Variants in LYRM7 observed in about 807,000 individuals in gnomAD.
LYRM7 encodes the protein complex III assembly factor LYRM7.
A neutral mutation model predicts 15.8 loss-of-function variants in LYRM7; 9 were observed. That is an observed-to-expected ratio of 0.57 (90% CI 0.34 to 0.99). The LOEUF (loss-of-function observed/expected upper bound fraction) is 0.99. Ranked by LOEUF, LYRM7 falls within the 50% of genes least tolerant of loss-of-function variation. The pLI, the probability that LYRM7 is intolerant of heterozygous loss-of-function variation, is 0.02. For synonymous variants in LYRM7, 39 were observed against 39.4 expected, an observed-to-expected ratio of 0.99 and a Z score of 0.04; for missense variants, 115 against 119.1, an observed-to-expected ratio of 0.97 and a Z score of 0.16.
At chr5:131,176,300 A>G (rs1373844821) in intron 1 of LYRM7, among the ~76,000 whole-genome samples, 1 of 152,188 alleles carries the variant, frequency 6.6e-6, no homozygotes, top group Non-Finnish European at 1.5e-5. Context: ...TTTTTTAGCA[A>G]CTGCCAAACT....
chr5:131,199,895 G>C lies in LYRM7; in HGVS notation c.*294G>C, dbSNP rs1756031294. 1 of 190,538 alleles carries C rather than the reference G, an allele frequency of 5.2e-6. No homozygotes were observed. The highest frequency in any genetic ancestry group is 2.3e-5 in the African/African-American group (1 of 42,852). The allele number at this position is 190,538 out of a possible 1,614,324, so 11.8% of individuals were successfully genotyped here. A position where few individuals can be genotyped will look rare whatever the true frequency, so the allele number is the denominator to read the frequency against. On this transcript the variant is annotated 3_prime_UTR_variant, in exon 5 of 5. Coordinates refer to ENST00000379380, the MANE Select transcript of LYRM7 (RefSeq NM_181705.4). Reference sequence around the variant, plus strand: ...TATATTCAATCTTTGACCTTGATGAGTATTTGATCTTACCATAGCTATTTG... The same window carrying C: ...TATATTCAATCTTTGACCTTGATGACTATTTGATCTTACCATAGCTATTTG...
chr5:131,194,262 G>A (rs1375206567), intron 4 of LYRM7, among the ~76,000 whole-genome samples: 1 of 152,174 alleles, frequency 6.6e-6, no homozygotes, highest in East Asian at 1.9e-4. Flanking sequence ...TAGTTGGAGT[G>A]CATTTGACCT....
intron 1 of LYRM7, among the ~76,000 whole-genome samples, chr5:131,172,831 C>T (rs1441617367): frequency 6.6e-6 from 1 of 152,186 alleles, no homozygotes; most frequent in Non-Finnish European, 1.5e-5. Context: ...CAGATTCAAA[C>T]TCATCTGACT....
chr5:131,173,525 C>A (rs1209221265), intron 1 of LYRM7, among the ~76,000 whole-genome samples: 1 of 152,204 alleles, frequency 6.6e-6, no homozygotes, highest in East Asian at 1.9e-4. Flanking sequence ...GTGGGCGGAT[C>A]ACAAGGTCAA....
At chr5:131,192,032 TACACACACACACACACACACAC>T (rs60867142) in intron 4 of LYRM7, among the ~76,000 whole-genome samples, 118 of 127,764 alleles carry the variant, frequency 9.2e-4, no homozygotes, top group African/African-American at 2.1e-3. Context: ...ATGTGGTGCA[TACACACACACACACACACACAC>T]ACACACACAC....
At position 131,201,332 on chromosome 5, in the gene LYRM7, AAAAG is replaced by A. The variant is rs1423698922; in HGVS notation, c.*1732_*1735del. ...CTGTCTCAAAAAAAAAAAAGAAAAA[AAAAG>A]GAAAAAGGAAAAAAAAAAGATATAT... is the stretch of plus-strand genomic sequence containing the variant. On this transcript the variant is annotated 3_prime_UTR_variant, in exon 5 of 5. Transcript: ENST00000379380. 1.3e-5 allele frequency: 2 copies of A among 151,758 alleles called. No individual in the cohort carries two copies. The highest frequency in any genetic ancestry group is 4.8e-5 in the African/African-American group (2 of 41,300). 9.4% of individuals were successfully genotyped at this position (151,758 alleles called of 1,614,324 possible).
At chr5:131,192,847 C>A (rs934780590) in intron 4 of LYRM7, among the ~76,000 whole-genome samples, 5 of 152,052 alleles carry the variant, frequency 3.3e-5, no homozygotes, top group Non-Finnish European at 7.4e-5. Flanking sequence ...TTATTCTATA[C>A]TTGCTGTTTT....
At chr5:131,171,067 G>A (rs760026853) in intron 1 of LYRM7, 29 bp downstream of exon 1, 9 of 1,513,600 alleles carry the variant, frequency 5.9e-6, no homozygotes, top group Non-Finnish European at 6.1e-6. Flanking sequence ...GGGTGGGTAC[G>A]ATGCCGTCGG....
intron 4 of LYRM7, among the ~76,000 whole-genome samples, chr5:131,195,214 G>A (rs185280656): frequency 0.011 from 1,632 of 152,206 alleles, 35 homozygotes; most frequent in African/African-American, 0.037. Flanking sequence ...GTTGCAGTGA[G>A]CCGAGATCAC....
chr5:131,172,279 G>C (rs932901684), intron 1 of LYRM7, among the ~76,000 whole-genome samples: 1 of 152,154 alleles, frequency 6.6e-6, no homozygotes, highest in Non-Finnish European at 1.5e-5. Context: ...CTGGGCATAG[G>C]GGCGGGTGCC....
intron 2 of LYRM7, among the ~76,000 whole-genome samples, chr5:131,181,404 T>A (rs1201819361): frequency 0.045 from 4,950 of 110,744 alleles, 715 homozygotes; most frequent in African/African-American, 0.18. Context: ...ATATTATATA[T>A]ACATATATAT....
rs1347420866 is a variant in LYRM7, at chr5:131,171,038, G to C, written c.18G>C (p.Lys6Asn). Reference protein sequence around the residue: MGRAVKVLQLFKTLHR... With the variant: MGRAVNVLQLFKTLHR... ...GGAGAGCCATGGGACGGGCAGTCAA[G>C]GTGACAGGGCCCGGGAAGGGGTGGG... Residue 6 changes from lysine to asparagine, a missense_variant and splice_region_variant, in exon 1 of 5, where the codon AAG (lysine) becomes AAC (asparagine). Physicochemically the swap from Lys to Asn is moderately conservative, Grantham distance 94. Coordinates refer to ENST00000379380, the MANE Select transcript of LYRM7 (RefSeq NM_181705.4). 2.6e-6 allele frequency: 4 copies of C among 1,531,720 alleles called. No homozygotes were observed. The African/African-American group carries it at 4.3e-5, about 17-fold the overall frequency. 94.9% of individuals were successfully genotyped at this position (1,531,720 alleles called of 1,614,324 possible).
chr5:131,181,292 A>ATATATATAT (rs1181892950), intron 2 of LYRM7, among the ~76,000 whole-genome samples: 5 of 16,106 alleles, frequency 3.1e-4, no homozygotes, highest in South Asian at 2.8e-3. Flanking sequence ...AAAAAAAAAA[A>ATATATATAT]AAAAAAAAAA....
intron 4 of LYRM7, among the ~76,000 whole-genome samples, chr5:131,193,619 C>T (rs1316948273): frequency 6.6e-6 from 1 of 152,172 alleles, no homozygotes; most frequent in African/African-American, 2.4e-5. Context: ...GATTGTCACA[C>T]TATTATAAAC....
chr5:131,184,470 G>C (rs1204209795), intron 3 of LYRM7, among the ~76,000 whole-genome samples: 1 of 152,138 alleles, frequency 6.6e-6, no homozygotes, highest in Non-Finnish European at 1.5e-5. Flanking sequence ...GCCTCCCAAA[G>C]TTCTGGGATT....
At chr5:131,173,561 C>T (rs990485697) in intron 1 of LYRM7, among the ~76,000 whole-genome samples, 16 of 152,082 alleles carry the variant, frequency 1.1e-4, no homozygotes, top group African/African-American at 3.9e-4. Context: ...CTGGCCAACG[C>T]AGTGAAACCC....
intron 3 of LYRM7, among the ~76,000 whole-genome samples, chr5:131,185,424 T>C (rs1755782558): frequency 6.6e-6 from 1 of 152,194 alleles, no homozygotes; most frequent in Non-Finnish European, 1.5e-5. Context: ...TTCTCTTCCA[T>C]GCCCTCAAAG....
At chr5:131,199,502 A>T in intron 4 of LYRM7, 29 bp from the exon 5 acceptor site, 1 of 1,464,714 alleles carries the variant, frequency 6.8e-7, no homozygotes, top group Non-Finnish European at 9.3e-7. Context: ...TAGTGATGTT[A>T]ATTATTCTCT....
At chr5:131,189,279 T>C (rs1023188784) in intron 4 of LYRM7, among the ~76,000 whole-genome samples, 1 of 150,730 alleles carries the variant, frequency 6.6e-6, no homozygotes, top group African/African-American at 2.4e-5. Flanking sequence ...CCATCTCTAC[T>C]AAAAATACAA....
Sources: gnomAD v4.1 joint callset for allele counts (sites outside exome capture counted in the v4.1 genomes callset) on GRCh38, gnomAD v4.1.1 for gene constraint, MANE v1.5 for transcripts, NCBI Gene and HGNC (gene_info 2026-07-23, HGNC 2026-07-21) for gene names.